Variants in MEF2D observed in about 807,000 individuals in gnomAD.
MEF2D encodes myocyte-specific enhancer factor 2D.
Under a neutral mutation model 59.3 loss-of-function variants are expected in MEF2D, and 10 were observed. That is an observed-to-expected ratio of 0.17 (90% CI 0.10 to 0.29). The LOEUF is 0.29. Ranked by LOEUF, MEF2D falls within the 10% of genes least tolerant of loss-of-function variation. The pLI is 1.00. For missense variants in MEF2D, 508 were observed against 699.4 expected, an observed-to-expected ratio of 0.73 and a Z score of 3.09; for synonymous variants, 305 against 295.0, an observed-to-expected ratio of 1.03 and a Z score of -0.35.
rs368771271 is a variant in MEF2D at position 156,483,221 on chromosome 1, G to A, written c.54+18C>T. The stretch of plus-strand genomic sequence containing the variant: ...TCCCTGCCCTCACCCACTTCGTACG[G>A]CTCTAGGACTTCCCTACCTGTCGGT... On this transcript the variant is annotated intron_variant, in intron 2 of 11. Coordinates refer to ENST00000348159, the MANE Select transcript of MEF2D (RefSeq NM_005920.4). 6 of 1,613,766 alleles carry A rather than the reference G, an allele frequency of 3.7e-6. No individual in the cohort carries two copies. Among genetic ancestry groups the A allele is most frequent in the Non-Finnish European group, 5.1e-6 (6 of 1,179,808 alleles).
At chr1:156,495,421 G>A (rs1047622614) in intron 1 of MEF2D, among the ~76,000 whole-genome samples, 8 of 152,100 alleles carry the variant, frequency 5.3e-5, no homozygotes, top group African/African-American at 1.9e-4. Context: ...CCCATGCTCA[G>A]TACAAAGCTT....
chr1:156,467,570 C>T lies in MEF2D; in HGVS notation c.*75G>A, dbSNP rs1457057975. The T allele has an allele frequency of 8.0e-7, 1 of 1,253,368 alleles. No individual in the cohort carries two copies. Among genetic ancestry groups the T allele is most frequent in the Non-Finnish European group, 1.0e-6 (1 of 967,060 alleles). The allele number at this position is 1,253,368 out of a possible 1,614,324, so 77.6% of individuals were successfully genotyped here. On this transcript the variant is annotated 3_prime_UTR_variant, in exon 12 of 12. Transcript: ENST00000348159. ...GAAGTGGGGGTCGAGCGGGAGGAGC[C>T]CGGGGCAGGGAAGGGCGGGCGGTGA...
At chr1:156,491,121 G>A (rs1464330928) in intron 1 of MEF2D, among the ~76,000 whole-genome samples, 1 of 152,194 alleles carries the variant, frequency 6.6e-6, no homozygotes, top group Non-Finnish European at 1.5e-5. Context: ...AGTAGAGAAG[G>A]GATGGGTGAG....
At chr1:156,499,831 C>G (rs1337453802) in intron 1 of MEF2D, among the ~76,000 whole-genome samples, 2 of 152,054 alleles carry the variant, frequency 1.3e-5, no homozygotes, top group Admixed American at 6.6e-5. Context: ...TCCTGCGTGC[C>G]CACCTCGTGG....
In MEF2D at chr1:156,482,467, G is replaced by A. The variant is rs1672087618; in HGVS notation, c.228C>T (p.His76=). The change falls in exon 3 of 12, where the codon CAC becomes CAT. Residue 76 remains histidine, a synonymous_variant. Transcript: ENST00000348159. ...LLKYTEYNEP[H]ESRTNADIIE... ...TGATGTCGGCGTTGGTGCGGCTCTC[G>A]TGTGGCTCATTGTACTCCGTGTACT... The A allele has an allele frequency of 6.2e-7, 1 of 1,614,194 alleles. No individual in the cohort carries two copies. The highest frequency in any genetic ancestry group is 8.5e-7 in the Non-Finnish European group (1 of 1,180,044).
chr1:156,494,934 T>C (rs1557897870), intron 1 of MEF2D, among the ~76,000 whole-genome samples: 1 of 152,218 alleles, frequency 6.6e-6, no homozygotes, highest in Non-Finnish European at 1.5e-5. Flanking sequence ...TCCCCAGGTC[T>C]GGGCCTGGGA....
intron 9 of MEF2D, 57 bp downstream of exon 9, chr1:156,475,051 G>T: frequency 6.2e-7 from 1 of 1,611,314 alleles, no homozygotes; most frequent in Non-Finnish European, 8.5e-7. Context: ...TTTCTGTCTG[G>T]TCACTTGCCT....
chr1:156,474,855 G>T (rs867211484), intron 9 of MEF2D, among the ~76,000 whole-genome samples: 1 of 152,144 alleles, frequency 6.6e-6, no homozygotes, highest in Non-Finnish European at 1.5e-5. Context: ...ATGTCTTTGG[G>T]ACATACATTA....
chr1:156,475,771 G>A (rs892346779), intron 8 of MEF2D, among the ~76,000 whole-genome samples: 8 of 152,224 alleles, frequency 5.3e-5, no homozygotes, highest in South Asian at 2.1e-4. Context: ...CGTGTTGGCC[G>A]CCAAAGCCTG....
chr1:156,476,929 C>T (rs1326585283), intron 7 of MEF2D, 83 bp downstream of exon 7: 46 of 1,508,636 alleles, frequency 3.0e-5, no homozygotes, highest in Non-Finnish European at 4.1e-5. Context: ...TAGCCTTCAT[C>T]TCTCCTGCTA....
At chr1:156,480,139 A>C (rs1178137315) in intron 4 of MEF2D, among the ~76,000 whole-genome samples, 1 of 152,136 alleles carries the variant, frequency 6.6e-6, no homozygotes, top group South Asian at 2.1e-4. Flanking sequence ...AGAGGCCCTG[A>C]TAACAGACTC....
At chr1:156,498,803 T>G (rs1044534711) in intron 1 of MEF2D, among the ~76,000 whole-genome samples, 1 of 151,930 alleles carries the variant, frequency 6.6e-6, no homozygotes, top group African/African-American at 2.4e-5. Context: ...CCATATAAGC[T>G]CCAGTGTCCC....
intron 1 of MEF2D, among the ~76,000 whole-genome samples, chr1:156,488,530 AT>A (rs1465041783): frequency 1.3e-5 from 2 of 152,090 alleles, no homozygotes; most frequent in African/African-American, 4.8e-5. Context: ...ACTGATAGCC[AT>A]TTTTCCAATC....
In MEF2D at chr1:156,466,289, T is replaced by A. The variant is rs1404817903; in HGVS notation, c.*1356A>T. On this transcript the variant is annotated 3_prime_UTR_variant, in exon 12 of 12. Coordinates refer to ENST00000348159, the MANE Select transcript of MEF2D (RefSeq NM_005920.4). ...AAAATAGAATCTCATTTCATATCAATACAACAACAACAAAAAAAAACAGTT... is the reference window on the plus strand; with the variant it reads ...AAAATAGAATCTCATTTCATATCAAAACAACAACAACAAAAAAAAACAGTT... 6.7e-6 allele frequency: 1 copy of A among 150,324 alleles called. No individual in the cohort carries two copies. The highest frequency in any genetic ancestry group is 2.5e-5 in the African/African-American group (1 of 39,308). The allele number at this position is 150,324 out of a possible 1,614,324, so 9.3% of individuals were successfully genotyped here. A position where few individuals can be genotyped will look rare whatever the true frequency, so the allele number is the denominator to read the frequency against.
intron 1 of MEF2D, among the ~76,000 whole-genome samples, chr1:156,489,593 C>T (rs776326586): frequency 2.0e-5 from 3 of 151,806 alleles, no homozygotes; most frequent in Non-Finnish European, 4.4e-5. Context: ...GGTTCAACAA[C>T]GGCTTCCAGG....
intron 1 of MEF2D, among the ~76,000 whole-genome samples, chr1:156,496,114 G>A (rs184597014): frequency 3.3e-4 from 50 of 152,338 alleles, no homozygotes; most frequent in African/African-American, 1.0e-3. Flanking sequence ...GCATAACTTG[G>A]CTCTCAGGAA....
chr1:156,467,788 G>A lies in MEF2D; in HGVS notation c.1555-132C>T, dbSNP rs564918472. ...CCAGCTGTGAGGGGAAGAAGTCATCGAGCAGAAGGACTGATGCTGGAGGGA... is the reference window on the plus strand; with the variant it reads ...CCAGCTGTGAGGGGAAGAAGTCATCAAGCAGAAGGACTGATGCTGGAGGGA... On this transcript the variant is annotated intron_variant, in intron 11 of 11. Transcript: ENST00000348159. 9.2e-6 allele frequency: 10 copies of A among 1,085,884 alleles called. No homozygotes were observed. In the East Asian group the frequency reaches 1.4e-4, roughly 15 times the overall value. The allele number at this position is 1,085,884 out of a possible 1,614,324, so 67.3% of individuals were successfully genotyped here.
chr1:156,468,386 G>T lies in MEF2D; in HGVS notation c.1248-87C>A. ...CAAGTGATAGGACACCAGACAGAAA[G>T]TGAGAGAGAACAAGAGGATGAGAAT... On this transcript the variant is annotated intron_variant, in intron 10 of 11. Coordinates refer to ENST00000348159, the MANE Select transcript of MEF2D (RefSeq NM_005920.4). This position sits in a 1 kb window ranked among gnomAD's most constrained non-coding sequence, Gnocchi z 4.3. 1 of 985,654 alleles carries T rather than the reference G, an allele frequency of 1.0e-6. No individual in the cohort carries two copies. Among genetic ancestry groups the T allele is most frequent in the Non-Finnish European group, 1.5e-6 (1 of 669,376 alleles). The allele number at this position is 985,654 out of a possible 1,614,324, so 61.1% of individuals were successfully genotyped here.
chr1:156,481,878 G>A (rs1672041011), intron 3 of MEF2D, among the ~76,000 whole-genome samples: 1 of 152,244 alleles, frequency 6.6e-6, no homozygotes, highest in Non-Finnish European at 1.5e-5. Context: ...CAAGGCTCGG[G>A]AAAGCCTAAG....
Sources: allele counts gnomAD v4.1 joint callset (sites outside exome capture counted in the v4.1 genomes callset), GRCh38; gene constraint gnomAD v4.1.1; non-coding constraint Gnocchi (gnomAD v3.1); transcripts MANE v1.5; gene names NCBI Gene and HGNC (gene_info 2026-07-23, HGNC 2026-07-21).